The following FAM171A1 variants were observed in gnomAD, a reference collection of about 807,000 sequenced individuals.
FAM171A1 encodes the protein protein FAM171A1.
A neutral mutation model predicts 74.9 loss-of-function variants in FAM171A1; 23 were observed. The observed-to-expected ratio is 0.31, with a 90% confidence interval of 0.22 to 0.44. FAM171A1 has a LOEUF of 0.44. Among genes scored for constraint, FAM171A1 ranks in the 20% least tolerant of loss-of-function variants. The probability of loss-of-function intolerance (pLI) is 1.00; values close to 1 mark genes in which losing one functional copy is unlikely to be tolerated. For synonymous variants in FAM171A1, 527 were observed against 505.7 expected (o/e 1.04, Z -0.57); for missense variants, 1,162 against 1,159.2 (o/e 1.00, Z -0.03).
chr10:15,340,251 A>G (rs990561945), intron 1 of FAM171A1, among the ~76,000 whole-genome samples: 3 of 152,124 alleles, frequency 2.0e-5, no homozygotes, highest in Non-Finnish European at 2.9e-5. Flanking sequence ...TCCACAGTTA[A>G]TTTTTAGGAA....
chr10:15,337,432 A>C (rs1835713959), intron 1 of FAM171A1, among the ~76,000 whole-genome samples: 1 of 152,192 alleles, frequency 6.6e-6, no homozygotes, highest in Non-Finnish European at 1.5e-5. Context: ...AGGGGGCAAA[A>C]CCAGCACTTT....
intron 4 of FAM171A1, among the ~76,000 whole-genome samples, chr10:15,253,791 T>A (rs1312712484): frequency 6.6e-6 from 1 of 152,082 alleles, no homozygotes; most frequent in African/African-American, 2.4e-5. Context: ...GAAAGTGGGG[T>A]AGACAAGAAA....
rs564878370 is a variant in FAM171A1, at chr10:15,252,817, G to A, written c.577+1904C>T. Among the ~76,000 whole-genome samples, 3 of 152,288 alleles carry A rather than the reference G, an allele frequency of 2.0e-5. No homozygotes were observed. The South Asian group carries it at 6.2e-4, about 32-fold the overall frequency. ...AAACTCCTCTAAAATCAATAGTTCT[G>A]TGTCTTAGTGTTCGTTTTCCCCCAT... On this transcript the variant is annotated intron_variant, in intron 4 of 7. Transcript: ENST00000378116.
At chr10:15,344,372 T>A (rs991957328) in intron 1 of FAM171A1, among the ~76,000 whole-genome samples, 29 of 152,146 alleles carry the variant, frequency 1.9e-4, no homozygotes, top group Admixed American at 5.2e-4. Context: ...CAAGACTTAG[T>A]CTCTACAAAA....
intron 1 of FAM171A1, among the ~76,000 whole-genome samples, chr10:15,291,658 G>GTCCT (rs909303808): frequency 1.4e-4 from 21 of 152,156 alleles, no homozygotes; most frequent in Non-Finnish European, 2.9e-4. Flanking sequence ...CTTCACTCAA[G>GTCCT]TCCTTCAGTG....
At chr10:15,362,977 C>G (rs1389239882) in intron 1 of FAM171A1, among the ~76,000 whole-genome samples, 1 of 152,148 alleles carries the variant, frequency 6.6e-6, no homozygotes, top group Middle Eastern at 3.2e-3. Context: ...CCCGACAGAC[C>G]ACCTCTTTTT....
intron 1 of FAM171A1, among the ~76,000 whole-genome samples, chr10:15,340,180 GC>G (rs1472421046): frequency 1.3e-5 from 2 of 152,172 alleles, no homozygotes; most frequent in African/African-American, 4.8e-5. Flanking sequence ...GACTGTCTCT[GC>G]TCCCCATCAG....
chr10:15,276,867 G>A (rs538610312), intron 2 of FAM171A1, among the ~76,000 whole-genome samples: 3 of 152,116 alleles, frequency 2.0e-5, no homozygotes, highest in East Asian at 3.9e-4. Flanking sequence ...AAAATTTTTT[G>A]TAGAGACAGG....
Position 15,301,074 on chromosome 10 carries a change from A to G in FAM171A1, c.98-16969T>C, listed in dbSNP as rs545806623. On this transcript the variant is annotated intron_variant, in intron 1 of 7. Coordinates refer to ENST00000378116, the MANE Select transcript of FAM171A1 (RefSeq NM_001010924.2). ...ACATGGAGAGCTGGAGGAACAGCAG[A>G]AGCCATTGGCAAGACAATTCTCCAT... Among the ~76,000 whole-genome samples the G allele has an allele frequency of 2.0e-5, 3 of 152,318 alleles. No individual in the cohort carries two copies. The East Asian group carries it at 5.8e-4, about 29-fold the overall frequency.
At chr10:15,307,594 C>T (rs990124761) in intron 1 of FAM171A1, among the ~76,000 whole-genome samples, 6 of 135,606 alleles carry the variant, frequency 4.4e-5, no homozygotes, top group African/African-American at 1.1e-4. Context: ...TGCAGTGAGC[C>T]GAGATTGCAC....
At chr10:15,242,482 T>C (rs1426680999) in intron 5 of FAM171A1, among the ~76,000 whole-genome samples, 1 of 152,214 alleles carries the variant, frequency 6.6e-6, no homozygotes, top group Admixed American at 6.5e-5. Flanking sequence ...TCATAGTAAA[T>C]GTGAAGTTAA....
intron 1 of FAM171A1, among the ~76,000 whole-genome samples, chr10:15,329,597 G>C (rs1425126941): frequency 6.9e-6 from 1 of 145,886 alleles, no homozygotes; most frequent in African/African-American, 2.6e-5. Context: ...CTGCACTCCA[G>C]CCTGGACAGC....
chr10:15,358,402 G>C (rs1223515162), intron 1 of FAM171A1, among the ~76,000 whole-genome samples: 1 of 152,136 alleles, frequency 6.6e-6, no homozygotes, highest in Non-Finnish European at 1.5e-5. Flanking sequence ...GGAGAAAAAA[G>C]GCATCTCATT....
chr10:15,256,963 A>C (rs1834588316), intron 3 of FAM171A1, among the ~76,000 whole-genome samples: 1 of 152,054 alleles, frequency 6.6e-6, no homozygotes, highest in Non-Finnish European at 1.5e-5. Flanking sequence ...TGCTTCTGGT[A>C]TTTTTTTCAA....
chr10:15,346,934 A>T (rs1219689163), intron 1 of FAM171A1, among the ~76,000 whole-genome samples: 1 of 152,192 alleles, frequency 6.6e-6, no homozygotes, highest in African/African-American at 2.4e-5. Flanking sequence ...GGGACAAAAG[A>T]CACAGAGGGA....
At chr10:15,329,329 C>A (rs1490251688) in intron 1 of FAM171A1, among the ~76,000 whole-genome samples, 1 of 152,196 alleles carries the variant, frequency 6.6e-6, no homozygotes, top group African/African-American at 2.4e-5. Context: ...GTTCTATCGG[C>A]TCCAGAGGTG....
intron 6 of FAM171A1, among the ~76,000 whole-genome samples, chr10:15,219,300 A>G (rs771791729): frequency 1.2e-4 from 18 of 152,114 alleles, no homozygotes; most frequent in Non-Finnish European, 2.6e-4. Context: ...CAAACGAACA[A>G]CAACAACAAC....
chr10:15,301,288 T>A (rs1835224828), intron 1 of FAM171A1, among the ~76,000 whole-genome samples: 1 of 151,900 alleles, frequency 6.6e-6, no homozygotes, highest in Non-Finnish European at 1.5e-5. Flanking sequence ...TTTTCGAGCC[T>A]CAGCCTCTCG....
chr10:15,319,892 G>C (rs1835466744), intron 1 of FAM171A1, among the ~76,000 whole-genome samples: 1 of 152,158 alleles, frequency 6.6e-6, no homozygotes, highest in Admixed American at 6.5e-5. Flanking sequence ...CTTTTAATGA[G>C]AACATCAGGT....
Sources: gnomAD v4.1 joint callset for allele counts (sites outside exome capture counted in the v4.1 genomes callset) on GRCh38, gnomAD v4.1.1 for gene constraint, MANE v1.5 for transcripts, NCBI Gene and HGNC (gene_info 2026-07-23, HGNC 2026-07-21) for gene names.